The following IQGAP1 variants were observed in gnomAD, a reference collection of about 807,000 sequenced individuals.
The protein encoded by IQGAP1 is ras GTPase-activating-like protein IQGAP1.
A neutral mutation model predicts 215.6 loss-of-function variants in IQGAP1; 66 were observed. The observed-to-expected ratio is 0.31, with a 90% CI of 0.25 to 0.38. The LOEUF is 0.38. Among genes scored for constraint, IQGAP1 ranks in the 10% least tolerant of loss-of-function variants. The pLI is 1.00. For synonymous variants in IQGAP1, 772 were observed against 728.7 expected (o/e 1.06, Z -0.96); for missense variants, 1,712 against 1,997.1 (o/e 0.86, Z 2.72).
Position 90,388,341 on chromosome 15 carries a change from C to A in IQGAP1, c.-1C>A. 3 of 1,596,352 alleles carry A rather than the reference C, an allele frequency of 1.9e-6. No individual in the cohort carries two copies. The highest frequency in any genetic ancestry group is 2.6e-6 in the Non-Finnish European group (3 of 1,172,906). Reference sequence around the variant, plus strand: ...TCAGCAGAGACTCGGGCTCGTCCGCCATGTCCGCCGCAGACGAGGTTGACG... The same window carrying A: ...TCAGCAGAGACTCGGGCTCGTCCGCAATGTCCGCCGCAGACGAGGTTGACG... On this transcript the variant is annotated 5_prime_UTR_variant, in exon 1 of 38. Coordinates refer to ENST00000268182, the MANE Select transcript of IQGAP1 (RefSeq NM_003870.4).
At chr15:90,468,253 C>T (rs996907073) in intron 18 of IQGAP1, among the ~76,000 whole-genome samples, 7 of 152,108 alleles carry the variant, frequency 4.6e-5, no homozygotes, top group African/African-American at 9.7e-5. Context: ...TTAGTAGAGA[C>T]GAGGTTTTGC....
intron 4 of IQGAP1, 57 bp downstream of exon 4, chr15:90,429,723 C>A: frequency 9.2e-7 from 1 of 1,090,696 alleles, no homozygotes; most frequent in Non-Finnish European, 1.4e-6. Context: ...GCATAACCCT[C>A]AAACAACCTG....
At chr15:90,487,371 G>A in intron 32 of IQGAP1, 124 bp from the exon 33 acceptor site, 1 of 729,898 alleles carries the variant, frequency 1.4e-6, no homozygotes, top group South Asian at 1.7e-5. Context: ...ACTGTGTACT[G>A]GCAGCTGCCG....
At chr15:90,408,214 T>A (rs1298455844) in intron 2 of IQGAP1, among the ~76,000 whole-genome samples, 1 of 152,164 alleles carries the variant, frequency 6.6e-6, no homozygotes, top group African/African-American at 2.4e-5. Context: ...TTGGGGATAT[T>A]GTTAAGTTGA....
chr15:90,496,029 C>A (rs1044168642), intron 36 of IQGAP1, among the ~76,000 whole-genome samples: 5 of 151,188 alleles, frequency 3.3e-5, no homozygotes, highest in African/African-American at 9.7e-5. Flanking sequence ...TTTTAATTTG[C>A]TCCTATGGGC....
chr15:90,473,975 C>T lies in IQGAP1; in HGVS notation c.2505+8C>T, dbSNP rs781452117. ...CAGTACTTCCGGGACCATGTAAGCACCCTTGGATCATACAGGCCATTAGGG... is the reference window on the plus strand; with the variant it reads ...CAGTACTTCCGGGACCATGTAAGCATCCTTGGATCATACAGGCCATTAGGG... On this transcript the variant is annotated splice_region_variant and intron_variant, in intron 21 of 37. Coordinates refer to ENST00000268182, the MANE Select transcript of IQGAP1 (RefSeq NM_003870.4). 2 of 1,613,798 alleles carry T rather than the reference C, an allele frequency of 1.2e-6. No homozygotes were observed. The highest frequency in any genetic ancestry group is 3.3e-5 in the Admixed American group (2 of 60,006).
chr15:90,414,106 G>C (rs774287537), intron 2 of IQGAP1, among the ~76,000 whole-genome samples: 1 of 151,990 alleles, frequency 6.6e-6, no homozygotes, highest in Non-Finnish European at 1.5e-5. Flanking sequence ...CACCATCTCA[G>C]ACTAACTCCT....
At chr15:90,476,972 CAT>C in intron 24 of IQGAP1, 93 bp from the exon 25 acceptor site, 1 of 1,364,500 alleles carries the variant, frequency 7.3e-7, no homozygotes, top group Non-Finnish European at 1.0e-6. Flanking sequence ...TCTTTTTTCT[CAT>C]ATGTATTGTA....
rs1362615106 is a variant in IQGAP1, at chr15:90,389,153, G to A, written c.55+757G>A. On this transcript the variant is annotated intron_variant, in intron 1 of 37. Transcript: ENST00000268182. ...AGTTATACGTGAGGTATTGTGCCAC[G>A]TTTGTGAAATTAAAGATGAGTAAGA... 2.6e-5 allele frequency among the ~76,000 whole-genome samples: 4 copies of A among 152,106 alleles called. No individual in the cohort carries two copies. The South Asian group carries it at 8.3e-4, about 31-fold the overall frequency.
At chr15:90,412,469 C>A (rs1770081460) in intron 2 of IQGAP1, among the ~76,000 whole-genome samples, 1 of 152,200 alleles carries the variant, frequency 6.6e-6, no homozygotes, top group Non-Finnish European at 1.5e-5. Context: ...AGGGTCTGCA[C>A]ATTCTCTGCC....
rs546146042 is a variant in IQGAP1 at position 90,390,902 on chromosome 15, T to G, written c.155+29T>G. The G allele has an allele frequency of 3.5e-4, 452 of 1,298,444 alleles. 4 individuals are homozygous for G. The South Asian group carries it at 5.0e-3, about 14-fold the overall frequency. 80.4% of individuals were successfully genotyped at this position (1,298,444 alleles called of 1,614,324 possible). A position where few individuals can be genotyped will look rare whatever the true frequency, so the allele number is the denominator to read the frequency against. On this transcript the variant is annotated intron_variant, in intron 2 of 37. Coordinates refer to ENST00000268182, the MANE Select transcript of IQGAP1 (RefSeq NM_003870.4). ...AAGATTGGCTGGCTGGAGAGAAGAT[T>G]AAGAGAAGGGAACTGATAATAGTGT... is the stretch of plus-strand genomic sequence containing the variant.
At chr15:90,421,042 C>T (rs527992653) in intron 2 of IQGAP1, among the ~76,000 whole-genome samples, 5 of 152,006 alleles carry the variant, frequency 3.3e-5, no homozygotes, top group East Asian at 3.9e-4. Context: ...CCAGAGGAGA[C>T]GGGAGAATTG....
At chr15:90,396,237 A>G (rs1043808697) in intron 2 of IQGAP1, among the ~76,000 whole-genome samples, 6 of 152,156 alleles carry the variant, frequency 3.9e-5, no homozygotes, top group African/African-American at 1.4e-4. Flanking sequence ...CCTGTAAGTG[A>G]TTTCAGAATT....
intron 18 of IQGAP1, among the ~76,000 whole-genome samples, chr15:90,470,921 C>T (rs973797907): frequency 6.6e-6 from 1 of 152,068 alleles, no homozygotes; most frequent in African/African-American, 2.4e-5. Context: ...ACCTTCCTTT[C>T]TCGACCTCTG....
intron 2 of IQGAP1, among the ~76,000 whole-genome samples, chr15:90,417,875 C>G (rs778797510): frequency 5.3e-5 from 8 of 152,104 alleles, no homozygotes; most frequent in Non-Finnish European, 1.2e-4. Flanking sequence ...TGTTTGTATC[C>G]TCTTTTATTT....
At chr15:90,434,745 A>G (rs1430283657) in intron 5 of IQGAP1, among the ~76,000 whole-genome samples, 1 of 152,194 alleles carries the variant, frequency 6.6e-6, no homozygotes, top group Non-Finnish European at 1.5e-5. Context: ...GAGCATGCCA[A>G]ATCTGAAATG....
Position 90,443,440 on chromosome 15 carries a change from C to T in IQGAP1, c.875C>T (p.Thr292Met), listed in dbSNP as rs142409718. The T allele has an allele frequency of 8.1e-6, 13 of 1,613,124 alleles. No homozygotes were observed. Among genetic ancestry groups the T allele is most frequent in the East Asian group, 4.5e-5 (2 of 44,862 alleles). ...RERDVYEELL[T>M]QAEIQGNINK... ...AGAGATGTTTATGAGGAGCTGCTCA[C>T]GCAAGCTGAAATTCAAGGCAATATA... Residue 292 changes from threonine (T) to methionine (M), a missense_variant, in exon 9 of 38, where the codon ACG becomes ATG. By Grantham distance (81) the Thr-to-Met change is moderately conservative. Transcript: ENST00000268182.
intron 14 of IQGAP1, among the ~76,000 whole-genome samples, chr15:90,455,230 A>G (rs1197176528): frequency 6.6e-6 from 1 of 152,162 alleles, no homozygotes; most frequent in Admixed American, 6.5e-5. Flanking sequence ...GGTTCGTTAC[A>G]TATGCGTGAT....
chr15:90,491,232 A>T (rs1966199276), intron 33 of IQGAP1, 101 bp from the exon 34 acceptor site: 2 of 936,120 alleles, frequency 2.1e-6, no homozygotes, highest in Admixed American at 5.2e-5. Context: ...TCAAGGTTGG[A>T]GTTTAAGAAC....
Sources: allele counts gnomAD v4.1 joint callset (sites outside exome capture counted in the v4.1 genomes callset), GRCh38; gene constraint gnomAD v4.1.1; transcripts MANE v1.5; gene names NCBI Gene and HGNC (gene_info 2026-07-23, HGNC 2026-07-21).